TPRG1: variants seen among roughly 807,000 people sequenced by gnomAD.
TPRG1 encodes tumor protein p63 regulated 1, also known as tumor protein p63-regulated gene 1 protein.
TPRG1 carries 29 observed loss-of-function variants against 29.3 expected under a neutral mutation model. The observed-to-expected ratio is 0.99, with a 90% confidence interval of 0.74 to 1.35. The LOEUF (loss-of-function observed/expected upper bound fraction) is 1.35. Among genes scored for constraint, TPRG1 ranks in the 40% most tolerant of loss-of-function variants. The pLI is 0.00. For missense variants in TPRG1, 327 were observed against 335.0 expected (o/e 0.98, Z 0.19); for synonymous variants, 130 against 116.8 (o/e 1.11, Z -0.73).
In TPRG1 at chr3:189,224,083, A is replaced by G. The variant is rs535876645; in HGVS notation, c.302+8700A>G. 2.8e-4 allele frequency among the ~76,000 whole-genome samples: 43 copies of G among 152,334 alleles called. 1 individual carries two copies. In the South Asian group the frequency reaches 8.7e-3, roughly 31 times the overall value. Reference sequence around the variant, plus strand: ...TACATACTGATATATGGCCCTACAAATGATTCCACGGGAACATAAAACTCA... The same window carrying G: ...TACATACTGATATATGGCCCTACAAGTGATTCCACGGGAACATAAAACTCA... On this transcript the variant is annotated intron_variant, in intron 3 of 5. Coordinates refer to ENST00000345063, the MANE Select transcript of TPRG1 (RefSeq NM_198485.4).
intron 4 of TPRG1, among the ~76,000 whole-genome samples, chr3:189,044,533 T>C (rs1450248748): frequency 8.2e-5 from 12 of 146,952 alleles, no homozygotes. Flanking sequence ...CCAGCCTGGG[T>C]GATAAGAGCA....
chr3:189,078,103 T>TCTTTCTCTCTTTCTC (rs1717335601), intron 4 of TPRG1, among the ~76,000 whole-genome samples: 1 of 121,104 alleles, frequency 8.3e-6, no homozygotes, highest in African/African-American at 3.0e-5. Flanking sequence ...CTTTCTTTCT[T>TCTTTCTCTCTTTCTC]TCTTTCTTTC....
intron 4 of TPRG1, among the ~76,000 whole-genome samples, chr3:189,094,584 C>T (rs1449836261): frequency 1.3e-5 from 2 of 152,226 alleles, no homozygotes; most frequent in African/African-American, 4.8e-5. Context: ...TCCTCACAGA[C>T]TCCGGCTTGC....
intron 4 of TPRG1, among the ~76,000 whole-genome samples, chr3:189,093,102 G>T (rs548888506): frequency 6.6e-5 from 10 of 151,260 alleles, no homozygotes; most frequent in Non-Finnish European, 1.3e-4. Context: ...CCCCCAAACC[G>T]AACCCTGTAT....
chr3:189,101,703 T>C (rs1719224444), intron 1 of TPRG1, among the ~76,000 whole-genome samples: 1 of 152,106 alleles, frequency 6.6e-6, no homozygotes, highest in Admixed American at 6.5e-5. Context: ...TTCTCTGATA[T>C]CTTTTAGAGT....
intron 1 of TPRG1, among the ~76,000 whole-genome samples, chr3:189,000,446 T>C (rs1221241409): frequency 1.3e-5 from 2 of 152,114 alleles, no homozygotes; most frequent in East Asian, 1.9e-4. Flanking sequence ...TTCCATATCC[T>C]TTATTTACTC....
At chr3:189,208,629 A>C (rs1018232156) in intron 2 of TPRG1, among the ~76,000 whole-genome samples, 6 of 152,166 alleles carry the variant, frequency 3.9e-5, no homozygotes, top group African/African-American at 1.4e-4. Flanking sequence ...TCTTATGTGC[A>C]AGATGCTTTA....
rs948551156 is a variant in TPRG1, at chr3:189,321,316, G to C, written c.*496G>C. The C allele has an allele frequency of 6.6e-6, 1 of 151,800 alleles. No homozygotes were observed. Among genetic ancestry groups the C allele is most frequent in the African/African-American group, 2.4e-5 (1 of 41,296 alleles). 9.4% of individuals were successfully genotyped at this position (151,800 alleles called of 1,614,324 possible). A position where few individuals can be genotyped will look rare whatever the true frequency, so the allele number is the denominator to read the frequency against. On this transcript the variant is annotated 3_prime_UTR_variant, in exon 6 of 6. Coordinates refer to ENST00000345063, the MANE Select transcript of TPRG1 (RefSeq NM_198485.4). The stretch of plus-strand genomic sequence containing the variant: ...TTCCAAGACTCAGTTTTGCATTTCT[G>C]ACTGCTAATCATCTATATATCAGTG...
intron 2 of TPRG1, among the ~76,000 whole-genome samples, chr3:189,131,269 A>G (rs1723083888): frequency 6.6e-6 from 1 of 152,204 alleles, no homozygotes; most frequent in South Asian, 2.1e-4. Context: ...CATTACAAAA[A>G]GGCAATATCA....
chr3:189,113,842 A>G (rs945617316), intron 1 of TPRG1, among the ~76,000 whole-genome samples: 27 of 151,972 alleles, frequency 1.8e-4, no homozygotes, highest in Non-Finnish European at 3.1e-4. Flanking sequence ...TGGGTGCAGC[A>G]CACCAGCATG....
chr3:189,181,802 G>C (rs1730260412), intron 1 of TPRG1, among the ~76,000 whole-genome samples: 1 of 152,052 alleles, frequency 6.6e-6, no homozygotes, highest in Non-Finnish European at 1.5e-5. Context: ...TACTCTACTA[G>C]TACCAATTTA....
chr3:189,156,354 GTA>G lies in TPRG1; in HGVS notation c.-10+5483_-10+5484del, dbSNP rs1491506600. Among the ~76,000 whole-genome samples the G allele has an allele frequency of 1.5e-3, 192 of 127,636 alleles. 2 individuals carry two copies. The highest frequency in any genetic ancestry group is 3.2e-3 in the African/African-American group (88 of 27,448). 83.7% of individuals were successfully genotyped at this position (127,636 alleles called of 152,430 possible). ...AGATGCCTGACCTCCAGAACTATAA[GTA>G]AAAAAAAAAAAAAATTATGTTGTGT... On this transcript the variant is annotated intron_variant, in intron 5 of 6. Coordinates refer to the TPRG1 transcript ENST00000412373.
intron 4 of TPRG1, among the ~76,000 whole-genome samples, chr3:189,078,199 A>G (rs1717355588): frequency 6.9e-6 from 1 of 144,806 alleles, no homozygotes; most frequent in Non-Finnish European, 1.5e-5. Flanking sequence ...ATGCAATAGC[A>G]CTATCTTGGC....
intron 1 of TPRG1, among the ~76,000 whole-genome samples, chr3:189,181,446 G>T (rs4479588): frequency 0.66 from 100,403 of 152,028 alleles, 34,785 homozygotes; most frequent in African/African-American, 0.89. Flanking sequence ...CTTAGAAATT[G>T]CTTCTGGCAG....
At chr3:189,292,688 T>C (rs540110773) in intron 4 of TPRG1, among the ~76,000 whole-genome samples, 3 of 152,294 alleles carry the variant, frequency 2.0e-5, no homozygotes, top group East Asian at 1.9e-4. Flanking sequence ...CTTTATGGAA[T>C]AAACCATACA....
At chr3:189,203,389 A>C (rs1378522575) in intron 1 of TPRG1, among the ~76,000 whole-genome samples, 1 of 152,170 alleles carries the variant, frequency 6.6e-6, no homozygotes, top group East Asian at 1.9e-4. Flanking sequence ...TTTTTTTAAA[A>C]GAGCAAAAAT....
At chr3:189,213,702 T>C (rs1735618674) in intron 2 of TPRG1, among the ~76,000 whole-genome samples, 1 of 152,214 alleles carries the variant, frequency 6.6e-6, no homozygotes, top group African/African-American at 2.4e-5. Flanking sequence ...CTTTAAGAGT[T>C]ACTTTAGGCA....
intron 5 of TPRG1, among the ~76,000 whole-genome samples, chr3:189,163,135 C>T (rs1267684841): frequency 3.3e-5 from 5 of 151,908 alleles, no homozygotes; most frequent in Admixed American, 1.3e-4. Flanking sequence ...TAGCTGGGCA[C>T]GGTGCCAGGT....
At chr3:189,091,683 TCTC>T (rs927989319) in intron 4 of TPRG1, among the ~76,000 whole-genome samples, 4 of 152,162 alleles carry the variant, frequency 2.6e-5, no homozygotes, top group African/African-American at 7.2e-5. Flanking sequence ...AGTTTTTCTC[TCTC>T]CTCCTCCTCT....
Sources: allele counts gnomAD v4.1 joint callset (sites outside exome capture counted in the v4.1 genomes callset), GRCh38; gene constraint gnomAD v4.1.1; transcripts MANE v1.5; gene names NCBI Gene and HGNC (gene_info 2026-07-23, HGNC 2026-07-21).